The following DPP10 variants were observed in gnomAD, a reference collection of about 807,000 sequenced individuals.
DPP10 encodes the protein dipeptidyl peptidase like 10, also known as inactive dipeptidyl peptidase 10.
A neutral mutation model predicts 120.9 loss-of-function variants in DPP10; 33 were observed. The observed-to-expected ratio is 0.27, with a 90% confidence interval of 0.21 to 0.37. DPP10 has a LOEUF of 0.37. DPP10 is among the 10% of genes least tolerant of loss of function. The pLI is 1.00. For missense variants in DPP10, 816 were observed against 942.8 expected (o/e 0.87, Z 1.76); for synonymous variants, 337 against 326.1 (o/e 1.03, Z -0.36).
intron 1 of DPP10, among the ~76,000 whole-genome samples, chr2:114,588,409 C>T (rs533752422): frequency 2.9e-4 from 44 of 152,250 alleles, no homozygotes; most frequent in Middle Eastern, 3.4e-3. Context: ...CTTAGGGCAA[C>T]GTTAAATGAA....
chr2:114,929,657 T>C (rs779393585), intron 1 of DPP10, among the ~76,000 whole-genome samples: 3 of 152,222 alleles, frequency 2.0e-5, no homozygotes, highest in Non-Finnish European at 4.4e-5. Flanking sequence ...TTTTTTAGGA[T>C]GCCCAGATTT....
rs1424933606 is a variant in DPP10, at chr2:115,579,575, A to ACTTAAGAAT, written c.441+53604_441+53612dup. The ACTTAAGAAT allele has an allele frequency of 2.0e-5, 3 of 152,224 alleles. No homozygotes were observed. In the East Asian group the frequency reaches 5.8e-4, roughly 29 times the overall value. The allele number at this position is 152,224 out of a possible 1,614,324, so 9.4% of individuals were successfully genotyped here. ...CACCCTGGGCTCCATCCAGTGCAGA[A>ACTTAAGAAT]CTTAAGAATTTGCTCCTATGTTTTT... On this transcript the variant is annotated intron_variant, in intron 5 of 25. Transcript: ENST00000410059.
chr2:115,727,816 A>C lies in DPP10; in HGVS notation c.577A>C (p.Ile193Leu). 1 of 1,584,142 alleles carries C rather than the reference A, an allele frequency of 6.3e-7. No individual in the cohort carries two copies. The change falls in exon 8 of 26, where the codon ATT (isoleucine) becomes CTT (leucine). Residue 193 changes from isoleucine (I) to leucine (L), a missense_variant and splice_region_variant. Coordinates refer to ENST00000410059, the MANE Select transcript of DPP10 (RefSeq NM_020868.6). ...AAWGVQGQQL[I>L]YIFENNIYYQ... ...GTTTGTTTCACATTTCCTGATCCAGATTTATATTTTTGAAAATAATATCTA... is the reference window on the plus strand; with the variant it reads ...GTTTGTTTCACATTTCCTGATCCAGCTTTATATTTTTGAAAATAATATCTA...
chr2:115,635,987 G>C (rs1316787759), intron 5 of DPP10, among the ~76,000 whole-genome samples: 2 of 152,004 alleles, frequency 1.3e-5, no homozygotes, highest in African/African-American at 4.8e-5. Context: ...CTTTAAAATG[G>C]AAAGATCATA....
chr2:115,195,425 G>A (rs1026066333), intron 1 of DPP10, among the ~76,000 whole-genome samples: 1 of 152,248 alleles, frequency 6.6e-6, no homozygotes, highest in South Asian at 2.1e-4. Flanking sequence ...TTTTTTAAAA[G>A]TGTGACTATT....
chr2:114,605,932 T>C (rs1692751211), intron 1 of DPP10, among the ~76,000 whole-genome samples: 1 of 152,098 alleles, frequency 6.6e-6, no homozygotes, highest in African/African-American at 2.4e-5. Context: ...TATTTGGATA[T>C]AAGATGTCCA....
chr2:115,068,741 A>T (rs13402497), intron 1 of DPP10, among the ~76,000 whole-genome samples: 81,888 of 151,964 alleles, frequency 0.54, 22,255 homozygotes, highest in South Asian at 0.6. Flanking sequence ...GGGTTGATTT[A>T]TGTAGACAGT....
chr2:114,906,902 CGA>C (rs1441550800), intron 1 of DPP10, among the ~76,000 whole-genome samples: 3 of 151,948 alleles, frequency 2.0e-5, no homozygotes, highest in South Asian at 2.1e-4. Flanking sequence ...TGAAAATTTG[CGA>C]GAGAGAGGTG....
chr2:115,806,955 A>G (rs1409384464), intron 19 of DPP10, among the ~76,000 whole-genome samples: 1 of 152,180 alleles, frequency 6.6e-6, no homozygotes, highest in African/African-American at 2.4e-5. Context: ...GAAAACTGAG[A>G]TAAATTCTCC....
intron 1 of DPP10, among the ~76,000 whole-genome samples, chr2:115,033,561 T>A (rs1703997559): frequency 6.6e-6 from 1 of 152,204 alleles, no homozygotes; most frequent in Non-Finnish European, 1.5e-5. Flanking sequence ...TCATTTATTT[T>A]ATCTCACCCA....
At chr2:115,068,332 T>C (rs1366447143) in intron 1 of DPP10, among the ~76,000 whole-genome samples, 1 of 147,516 alleles carries the variant, frequency 6.8e-6, no homozygotes, top group African/African-American at 2.6e-5. Context: ...ATGTTCAGCT[T>C]TTTTTTTTTC....
chr2:115,613,505 C>T (rs1027068216), intron 5 of DPP10, among the ~76,000 whole-genome samples: 1 of 152,174 alleles, frequency 6.6e-6, no homozygotes, highest in Non-Finnish European at 1.5e-5. Flanking sequence ...TCTGACATCA[C>T]TACTGCCTCT....
chr2:115,527,933 C>T (rs1427717970), intron 5 of DPP10, among the ~76,000 whole-genome samples: 4 of 152,046 alleles, frequency 2.6e-5, no homozygotes, highest in Non-Finnish European at 5.9e-5. Context: ...GGTACAGCTA[C>T]TTTGGAAGAT....
At chr2:115,246,704 C>A (rs761359451) in intron 1 of DPP10, among the ~76,000 whole-genome samples, 9 of 151,908 alleles carry the variant, frequency 5.9e-5, no homozygotes, top group Non-Finnish European at 1.3e-4. Flanking sequence ...GTTGTTGGGG[C>A]GGTAGACAGG....
chr2:115,079,176 C>T (rs1292920116), intron 1 of DPP10, among the ~76,000 whole-genome samples: 2 of 151,970 alleles, frequency 1.3e-5, no homozygotes, highest in East Asian at 1.9e-4. Context: ...GTCAGGAGAT[C>T]GAGACCATCC....
rs146925114 is a variant in DPP10, at chr2:115,546,838, G to C, written c.441+20866G>C. ...CCTTGGGAAAACAGACATTTTCCCT[G>C]TTTCACTATTGTGAGACAGGTCTTT... On this transcript the variant is annotated intron_variant, in intron 5 of 25. Transcript: ENST00000410059. Among the ~76,000 whole-genome samples, 64 of 152,192 alleles carry C rather than the reference G, an allele frequency of 4.2e-4. No individual in the cohort carries two copies. The East Asian group carries it at 0.012, about 29-fold the overall frequency.
intron 1 of DPP10, among the ~76,000 whole-genome samples, chr2:115,011,218 G>C (rs189035696): frequency 6.6e-6 from 1 of 152,120 alleles, no homozygotes; most frequent in East Asian, 1.9e-4. Flanking sequence ...CTTGGTAAAC[G>C]CTTTGGGTGC....
chr2:115,351,648 G>A (rs1400668), intron 3 of DPP10, among the ~76,000 whole-genome samples: 2 of 151,858 alleles, frequency 1.3e-5, no homozygotes, highest in East Asian at 3.9e-4. Flanking sequence ...TGTAAATCAT[G>A]GTTATCAAGG....
chr2:114,589,444 T>G (rs1478301100), intron 1 of DPP10, among the ~76,000 whole-genome samples: 1 of 152,236 alleles, frequency 6.6e-6, no homozygotes, highest in Non-Finnish European at 1.5e-5. Context: ...CACCTTTCTG[T>G]AATGTCATTG....
Sources: allele counts gnomAD v4.1 joint callset (sites outside exome capture counted in the v4.1 genomes callset), GRCh38; gene constraint gnomAD v4.1.1; transcripts MANE v1.5; gene names NCBI Gene and HGNC (gene_info 2026-07-23, HGNC 2026-07-21).